Variants in REG1A observed in about 807,000 individuals in gnomAD.
REG1A encodes the protein regenerating family member 1 alpha.
In REG1A, 20 loss-of-function variants were observed where a neutral mutation model predicts 20.7. That is an observed-to-expected ratio of 0.97 (90% CI 0.68 to 1.41). The LOEUF (loss-of-function observed/expected upper bound fraction) is 1.41, where lower values mean the gene tolerates loss of function less well. Ranked by LOEUF, REG1A falls within the 40% of genes most tolerant of loss-of-function variation. REG1A has a pLI of 0.00. For missense variants in REG1A, 193 were observed against 201.8 expected, an observed-to-expected ratio of 0.96 and a Z score of 0.26; for synonymous variants, 90 against 71.6, an observed-to-expected ratio of 1.26 and a Z score of -1.30.
intron 4 of REG1A, 64 bp from the exon 5 acceptor site, chr2:79,122,777 A>C: frequency 1.9e-6 from 2 of 1,067,032 alleles, no homozygotes; most frequent in South Asian, 2.5e-5. Flanking sequence ...GTGTGCACAC[A>C]GGCCCAGTGA....
At chr2:79,121,324 G>A (rs909591204) in intron 2 of REG1A, among the ~76,000 whole-genome samples, 1 of 152,076 alleles carries the variant, frequency 6.6e-6, no homozygotes, top group African/African-American at 2.4e-5. Flanking sequence ...AAGAGCCTGA[G>A]CTCCAGACAT....
At chr2:79,121,802 C>G (rs755062440) in intron 3 of REG1A, 122 bp downstream of exon 3, 1 of 1,320,272 alleles carries the variant, frequency 7.6e-7, no homozygotes, top group African/African-American at 1.5e-5. Context: ...ATCATCAGCC[C>G]CAAACTTTCC....
Position 79,121,980 on chromosome 2 carries a change from T to C in REG1A, c.184-8T>C. On this transcript the variant is annotated splice_region_variant and splice_polypyrimidine_tract_variant and intron_variant, in intron 3 of 5. Coordinates refer to ENST00000233735, the MANE Select transcript of REG1A (RefSeq NM_002909.5). The stretch of plus-strand genomic sequence containing the variant: ...CTCCACTGAGTGCTCCATTTTCTTC[T>C]GCAACAGCTCTATTGCCAGAACATG... 6.2e-7 allele frequency: 1 copy of C among 1,613,484 alleles called. No individual in the cohort carries two copies. The highest frequency in any genetic ancestry group is 8.5e-7 in the Non-Finnish European group (1 of 1,179,726).
rs951826033 is a variant in REG1A at position 79,120,821 on chromosome 2, G to T, written c.-41G>T. ...TTCTCTGTGTTCTCCTATAGAGATT[G>T]TTGATTTGCCTCTTAAGCAAGAGAT... On this transcript the variant is annotated 5_prime_UTR_variant, in exon 2 of 6. Coordinates refer to ENST00000233735, the MANE Select transcript of REG1A (RefSeq NM_002909.5). 51 of 1,547,492 alleles carry T rather than the reference G, an allele frequency of 3.3e-5. No homozygotes were observed. Among genetic ancestry groups the T allele is most frequent in the Non-Finnish European group, 4.5e-5 (51 of 1,127,774 alleles).
chr2:79,120,860 G>A lies in REG1A; in HGVS notation c.-2G>A. 6.2e-7 allele frequency: 1 copy of A among 1,608,246 alleles called. No homozygotes were observed. Among genetic ancestry groups the A allele is most frequent in the Non-Finnish European group, 8.5e-7 (1 of 1,176,226 alleles). On this transcript the variant is annotated 5_prime_UTR_variant, in exon 2 of 6. Coordinates refer to ENST00000233735, the MANE Select transcript of REG1A (RefSeq NM_002909.5). Reference sequence around the variant, plus strand: ...TAAGCAAGAGATTCATTGCAGCTCAGCATGGCTCAGACCAGCTCATACTTC... The same window carrying A: ...TAAGCAAGAGATTCATTGCAGCTCAACATGGCTCAGACCAGCTCATACTTC...
chr2:79,122,892 G>A lies in REG1A; in HGVS notation c.373G>A (p.Gly125Ser), dbSNP rs1464578407. 1.2e-6 allele frequency: 2 copies of A among 1,613,930 alleles called. No homozygotes were observed. The highest frequency in any genetic ancestry group is 1.1e-5 in the South Asian group (1 of 91,072). ...SGSLVSYKSW[G>S]IGAPSSVNPG... is the part of the protein sequence containing the mutation. ...GTCCCTGGTCTCCTACAAGTCCTGGGGCATTGGAGCCCCAAGCAGTGTTAA... is the reference window on the plus strand; with the variant it reads ...GTCCCTGGTCTCCTACAAGTCCTGGAGCATTGGAGCCCCAAGCAGTGTTAA... Residue 125 changes from glycine (G) to serine (S), a missense_variant, in exon 5 of 6, where the codon GGC (glycine) becomes AGC (serine). Physicochemically the swap from Gly to Ser is moderately conservative, Grantham distance 56. Transcript: ENST00000233735.
Position 79,123,363 on chromosome 2 carries a change from C to G in REG1A, c.*148C>G, listed in dbSNP as rs1264887186. The G allele has an allele frequency of 1.8e-6, 1 of 561,730 alleles. No individual in the cohort carries two copies. Among genetic ancestry groups the G allele is most frequent in the East Asian group, 2.8e-5 (1 of 35,282 alleles). 34.8% of individuals were successfully genotyped at this position (561,730 alleles called of 1,614,324 possible). ...GTTAATCTTCAATAGTTTTACCTAC[C>G]CCAGTCTTTGGAACCCTAAATAATA... On this transcript the variant is annotated 3_prime_UTR_variant, in exon 6 of 6. Transcript: ENST00000233735.
In REG1A at chr2:79,121,657, C is replaced by G. The variant is rs1401496725; in HGVS notation, c.160C>G (p.Arg54Gly). 6.8e-6 allele frequency: 11 copies of G among 1,614,008 alleles called. No individual in the cohort carries two copies. Among genetic ancestry groups the G allele is most frequent in the Admixed American group, 1.7e-5 (1 of 59,996 alleles). Residue 54 changes from arginine to glycine, a missense_variant, in exon 3 of 6, where the codon CGT (arginine) becomes GGT (glycine). Coordinates refer to ENST00000233735, the MANE Select transcript of REG1A (RefSeq NM_002909.5). ...CTACTGCTACTACTTTAATGAAGAC[C>G]GTGAGACCTGGGTTGATGCAGATGT... Reference protein sequence around the residue: ...RSYCYYFNEDRETWVDADLYC... With the variant: ...RSYCYYFNEDGETWVDADLYC...
intron 3 of REG1A, 47 bp downstream of exon 3, chr2:79,121,727 G>A (rs748484715): frequency 1.3e-6 from 2 of 1,556,214 alleles, no homozygotes; most frequent in East Asian, 2.2e-5. Flanking sequence ...GAAGGGAGGG[G>A]AAGCTGCCAC....
At chr2:79,121,783 T>C (rs1672890051) in intron 3 of REG1A, 103 bp downstream of exon 3, 1 of 1,338,058 alleles carries the variant, frequency 7.5e-7, no homozygotes, top group African/African-American at 1.4e-5. Flanking sequence ...CTGAACCCCT[T>C]GCTATACTAT....
chr2:79,121,918 C>G, intron 3 of REG1A, 70 bp from the exon 4 acceptor site: 11 of 1,588,054 alleles, frequency 6.9e-6, no homozygotes, highest in South Asian at 1.1e-5. Flanking sequence ...CTGACCCGTC[C>G]TCTTGGAGGA....
intron 2 of REG1A, 130 bp downstream of exon 2, chr2:79,121,055 G>C: frequency 1.5e-6 from 1 of 677,152 alleles, no homozygotes; most frequent in East Asian, 2.6e-5. Flanking sequence ...GTGGTGTTTA[G>C]TGATCTTTAT....
intron 2 of REG1A, 149 bp from the exon 3 acceptor site, chr2:79,121,413 A>AGAT: frequency 1.4e-6 from 1 of 693,924 alleles, no homozygotes; most frequent in South Asian, 1.7e-5. Context: ...CAAAGACAGA[A>AGAT]GATGTAGGAT....
intron 4 of REG1A, 134 bp from the exon 5 acceptor site, chr2:79,122,707 A>T: frequency 4.4e-6 from 3 of 687,606 alleles, no homozygotes. Flanking sequence ...GCAATAGCAA[A>T]GGAAAGGAAA....
At chr2:79,121,186 C>G (rs550024831) in intron 2 of REG1A, among the ~76,000 whole-genome samples, 2 of 152,058 alleles carry the variant, frequency 1.3e-5, no homozygotes, top group Non-Finnish European at 2.9e-5. Context: ...TAAATTTATA[C>G]GTGATGGTGG....
intron 5 of REG1A, 53 bp from the exon 6 acceptor site, chr2:79,123,095 A>G: frequency 6.7e-7 from 1 of 1,503,384 alleles, no homozygotes; most frequent in Non-Finnish European, 9.2e-7. Flanking sequence ...TAAAGCCAGG[A>G]GGGTCATACT....
At chr2:79,120,552 G>T in intron 1 of REG1A, 38 bp downstream of exon 1, 1 of 287,224 alleles carries the variant, frequency 3.5e-6, no homozygotes, top group Non-Finnish European at 6.4e-6. Flanking sequence ...TCTCTAACAT[G>T]CACTGTAGAT....
intron 2 of REG1A, among the ~76,000 whole-genome samples, chr2:79,121,181 T>C (rs1009707915): frequency 6.6e-6 from 1 of 152,146 alleles, no homozygotes; most frequent in Non-Finnish European, 1.5e-5. Context: ...CTGATTAAAT[T>C]TATACGTGAT....
chr2:79,120,742 A>T, intron 1 of REG1A, 74 bp from the exon 2 acceptor site: 1 of 635,330 alleles, frequency 1.6e-6, no homozygotes, highest in Non-Finnish European at 2.5e-6. Context: ...AAATTCTGAG[A>T]GGAGGTTTTA....
Sources: gnomAD v4.1 joint callset for allele counts (sites outside exome capture counted in the v4.1 genomes callset) on GRCh38, gnomAD v4.1.1 for gene constraint, MANE v1.5 for transcripts, NCBI Gene and HGNC (gene_info 2026-07-23, HGNC 2026-07-21) for gene names.